Variants in SMN2 observed in about 807,000 individuals in gnomAD.
SMN2 encodes the protein survival of motor neuron 2, centromeric.
A neutral mutation model predicts 2.8 loss-of-function variants in SMN2; 1 was observed. The observed-to-expected ratio is 0.35, with a 90% confidence interval of 0.13 to 1.68. The LOEUF is 1.68. Ranked by LOEUF, SMN2 falls within the 40% of genes most tolerant of loss-of-function variation. SMN2 has a pLI of 0.35. For synonymous variants in SMN2, 5 were observed against 5.0 expected (o/e 0.99, Z 0.01); for missense variants, 12 against 16.9 (o/e 0.71, Z 0.51).
downstream of SMN2, among the ~76,000 whole-genome samples, chr5:70,080,308 G>A (rs1171320543): frequency 1.1e-4 from 15 of 135,268 alleles, 2 homozygotes; most frequent in Non-Finnish European, 2.2e-4. Flanking sequence ...TCCAGCCTGG[G>A]TGACTCAGTG....
In SMN2 at chr5:70,076,544, A is replaced by C. The variant is rs777199497; in HGVS notation, c.858A>C (p.Glu286Asp). 1 of 1,465,152 alleles carries C rather than the reference A, an allele frequency of 6.8e-7. No individual in the cohort carries two copies. The highest frequency in any genetic ancestry group is 1.2e-5 in the South Asian group (1 of 85,416). 90.8% of individuals were successfully genotyped at this position (1,465,152 alleles called of 1,614,324 possible). A position where few individuals can be genotyped will look rare whatever the true frequency, so the allele number is the denominator to read the frequency against. The stretch of plus-strand genomic sequence containing the variant: ...AGGGTTTTAGACAAAATCAAAAAGA[A>C]GGAAGGTGCTCACATTCCTTAAATT... ...YYMGFRQNQK[E>D]GRCSHSLN The change falls in exon 8 of 9, where the codon GAA (glutamate) becomes GAC (aspartate). Residue 286 changes from glutamate to aspartate, a missense_variant. By Grantham distance (45) the Glu-to-Asp change is conservative. Coordinates refer to ENST00000380743, the MANE Select transcript of SMN2 (RefSeq NM_017411.4).
chr5:70,075,386 TTG>T (rs1215378561), intron 7 of SMN2, among the ~76,000 whole-genome samples: 1 of 94,676 alleles, frequency 1.1e-5, no homozygotes. Context: ...GCTAATTTTT[TTG>T]TGTTTTTAGT....
chr5:70,052,987 A>G (rs1258105321), intron 1 of SMN2, among the ~76,000 whole-genome samples: 10 of 78,402 alleles, frequency 1.3e-4, no homozygotes, highest in African/African-American at 4.5e-4. Context: ...TGCAGAGCCT[A>G]GAAGGTGATG....
At chr5:70,079,446 A>C (rs1774821648), downstream of SMN2, among the ~76,000 whole-genome samples, 1 of 149,768 alleles carries the variant, frequency 6.7e-6, no homozygotes, top group Non-Finnish European at 1.5e-5. Flanking sequence ...AAAAAAAAAA[A>C]AAAAACACGT....
chr5:70,074,879 CT>C (rs1774695522), intron 7 of SMN2, among the ~76,000 whole-genome samples: 1 of 121,818 alleles, frequency 8.2e-6, no homozygotes, highest in Admixed American at 8.4e-5. Context: ...GTAATCCCAG[CT>C]ACTTGGGAGG....
chr5:70,074,643 C>CA lies in SMN2; in HGVS notation c.835-1865dup, dbSNP rs1254903770. Among the ~76,000 whole-genome samples, 308 of 106,940 alleles carry CA rather than the reference C, an allele frequency of 2.9e-3. 24 individuals carry two copies. The highest frequency in any genetic ancestry group is 0.014 in the Middle Eastern group (3 of 220). The allele number at this position is 106,940 out of a possible 152,430, so 70.2% of individuals were successfully genotyped here. Reference sequence around the variant, plus strand: ...GGGCAACAAGAGCAAAACTCCATCTCAAAAAAAAAAAAATAAGGTATAAGC... The same window carrying CA: ...GGGCAACAAGAGCAAAACTCCATCTCAAAAAAAAAAAAAATAAGGTATAAGC... On this transcript the variant is annotated intron_variant, in intron 7 of 8. Transcript: ENST00000380743.
At chr5:70,085,313 C>A in the SMN2 span, among the ~76,000 whole-genome samples, 3 of 130,892 alleles carry the variant, frequency 2.3e-5, no homozygotes, top group East Asian at 6.4e-4. Flanking sequence ...ATAATCTCGG[C>A]TCACTGCAAC....
At chr5:70,084,407 T>C in the SMN2 span, among the ~76,000 whole-genome samples, 5 of 125,176 alleles carry the variant, frequency 4.0e-5, no homozygotes, top group African/African-American at 7.2e-5. Context: ...CAGGCTGATC[T>C]TGAACTCCTG....
downstream of SMN2, among the ~76,000 whole-genome samples, chr5:70,079,633 T>C (rs531246050): frequency 1.3e-3 from 173 of 137,338 alleles, 15 homozygotes; most frequent in Middle Eastern, 3.5e-3. Flanking sequence ...GGTGCATGCC[T>C]GTAGTCCCAG....
Position 70,075,014 on chromosome 5 carries a change from A to AT in SMN2, c.835-1500dup, listed in dbSNP as rs1294513000. ...TCTCAAAAAAAAAAGGAAGAAAAAT[A>AT]TTTTTTTAAATTAATTAGTTTATTT... On this transcript the variant is annotated intron_variant, in intron 7 of 8. Coordinates refer to ENST00000380743, the MANE Select transcript of SMN2 (RefSeq NM_017411.4). 5.6e-5 allele frequency among the ~76,000 whole-genome samples: 7 copies of AT among 124,958 alleles called. 1 individual carries two copies. Among genetic ancestry groups the AT allele is most frequent in the Non-Finnish European group, 1.2e-4 (7 of 59,452 alleles). The allele number at this position is 124,958 out of a possible 152,430, so 82.0% of individuals were successfully genotyped here.
chr5:70,079,837 G>A (rs1161783225), downstream of SMN2, among the ~76,000 whole-genome samples: 4 of 52,940 alleles, frequency 7.6e-5, no homozygotes, highest in Non-Finnish European at 1.3e-4. Flanking sequence ...TTTTTTTTTG[G>A]TAGTGACATG....
chr5:70,083,560 C>A, the SMN2 span, among the ~76,000 whole-genome samples: 2 of 136,558 alleles, frequency 1.5e-5, no homozygotes, highest in Non-Finnish European at 3.1e-5. Context: ...CCCAAACGTC[C>A]AACAATGATA....
chr5:70,076,387 C>A lies in SMN2; in HGVS notation c.835-134C>A, dbSNP rs570183711. The A allele has an allele frequency of 1.2e-4, 57 of 486,548 alleles. 4 individuals carry two copies. The Middle Eastern group carries it at 1.9e-3, about 17-fold the overall frequency. The allele number at this position is 486,548 out of a possible 1,614,324, so 30.1% of individuals were successfully genotyped here. A position where few individuals can be genotyped will look rare whatever the true frequency, so the allele number is the denominator to read the frequency against. ...AAAGACTATCAACTTAATTTCTGAT[C>A]ATATTTTGTTGAATAAAATAAGTAA... On this transcript the variant is annotated intron_variant, in intron 7 of 8. Coordinates refer to ENST00000380743, the MANE Select transcript of SMN2 (RefSeq NM_017411.4).
the SMN2 span, among the ~76,000 whole-genome samples, chr5:70,084,818 G>A: frequency 1.5e-5 from 2 of 134,758 alleles, no homozygotes; most frequent in Non-Finnish European, 3.1e-5. Context: ...TTTATTTGTA[G>A]AATCTGTATT....
chr5:70,084,304 A>G, the SMN2 span, among the ~76,000 whole-genome samples: 1 of 80,546 alleles, frequency 1.2e-5, no homozygotes, highest in Non-Finnish European at 2.2e-5. Flanking sequence ...CTCCTGCCTC[A>G]GCCTCCTGAG....
the SMN2 span, among the ~76,000 whole-genome samples, chr5:70,083,576 GA>G: frequency 1.5e-5 from 2 of 136,806 alleles, no homozygotes; most frequent in Non-Finnish European, 3.1e-5. Context: ...TGATAGACTG[GA>G]TTAAGAAAAT....
rs1305564789 is a variant in SMN2 at position 70,075,633 on chromosome 5, C to T, written c.835-888C>T. 1.7e-5 allele frequency among the ~76,000 whole-genome samples: 2 copies of T among 119,922 alleles called. 1 individual carries two copies. Among genetic ancestry groups the T allele is most frequent in the East Asian group, 4.2e-4 (2 of 4,770 alleles). The allele number at this position is 119,922 out of a possible 152,430, so 78.7% of individuals were successfully genotyped here. On this transcript the variant is annotated intron_variant, in intron 7 of 8. Transcript: ENST00000380743. ...AAAGTGCAAGGCAAGGCATTACAGGCATGAGCCACTGTGACCGGCAATGTT... is the reference window on the plus strand; with the variant it reads ...AAAGTGCAAGGCAAGGCATTACAGGTATGAGCCACTGTGACCGGCAATGTT...
chr5:70,052,542 TAAAAAAAA>T (rs1319920885), intron 1 of SMN2, among the ~76,000 whole-genome samples: 2 of 16,200 alleles, frequency 1.2e-4, no homozygotes, highest in Non-Finnish European at 3.2e-4. Flanking sequence ...ACTTTGTCTT[TAAAAAAAA>T]AAAAAAAAAA....
chr5:70,085,480 T>C, the SMN2 span, among the ~76,000 whole-genome samples: 1 of 118,120 alleles, frequency 8.5e-6, no homozygotes, highest in Non-Finnish European at 1.7e-5. Context: ...TGACCTCAAG[T>C]GATCCACCCA....
Sources: gnomAD v4.1 joint callset for allele counts (sites outside exome capture counted in the v4.1 genomes callset) on GRCh38, gnomAD v4.1.1 for gene constraint, MANE v1.5 for transcripts, NCBI Gene and HGNC (gene_info 2026-07-23, HGNC 2026-07-21) for gene names.